NIBAN1: variants seen among roughly 807,000 people sequenced by gnomAD.
NIBAN1 encodes the protein niban apoptosis regulator 1, also known as protein Niban 1.
A neutral mutation model predicts 75.1 loss-of-function variants in NIBAN1; 81 were observed. That is an observed-to-expected ratio of 1.08 (90% CI 0.90 to 1.30). The LOEUF is 1.30. NIBAN1 is among the 50% of genes most tolerant of loss of function. The pLI is 0.00. For synonymous variants in NIBAN1, 436 were observed against 424.8 expected (o/e 1.03, Z -0.32); for missense variants, 1,133 against 1,128.1 (o/e 1.00, Z -0.06).
chr1:184,895,625 C>T (rs1004654963), intron 2 of NIBAN1, among the ~76,000 whole-genome samples: 2 of 151,988 alleles, frequency 1.3e-5, no homozygotes, highest in East Asian at 1.9e-4. Context: ...TTACGTGTAA[C>T]GGTGGGGACT....
chr1:184,899,394 C>CA, intron 1 of NIBAN1, 85 bp from the exon 2 acceptor site: 1 of 1,390,692 alleles, frequency 7.2e-7, no homozygotes, highest in Non-Finnish European at 9.9e-7. Context: ...TCCCTCCAGT[C>CA]TCTCTGTTTC....
At position 184,814,715 on chromosome 1, in the gene NIBAN1, A is replaced by G. The variant is rs990670946; in HGVS notation, c.1173+3923T>C. Among the ~76,000 whole-genome samples the G allele has an allele frequency of 3.3e-5, 5 of 152,254 alleles. No individual in the cohort carries two copies. The East Asian group carries it at 9.6e-4, about 29-fold the overall frequency. The stretch of plus-strand genomic sequence containing the variant: ...CAAACCTTTCAAAACCAAGCTCTAG[A>G]TTATCATGCTAAATCAGCCAATACT... On this transcript the variant is annotated intron_variant, in intron 9 of 13. Transcript: ENST00000367511.
intron 8 of NIBAN1, among the ~76,000 whole-genome samples, chr1:184,819,680 A>G (rs1484854027): frequency 6.6e-6 from 1 of 152,334 alleles, no homozygotes; most frequent in South Asian, 2.1e-4. Flanking sequence ...CTAGAAGGCT[A>G]GCCTTGTGGA....
At chr1:184,904,181 T>C (rs1031973912) in intron 1 of NIBAN1, among the ~76,000 whole-genome samples, 15 of 151,704 alleles carry the variant, frequency 9.9e-5, no homozygotes, top group African/African-American at 2.9e-4. Flanking sequence ...CAGGAGTGGA[T>C]CACTGCACCC....
intron 1 of NIBAN1, among the ~76,000 whole-genome samples, chr1:184,931,602 C>T (rs763194068): frequency 4.6e-5 from 7 of 152,138 alleles, no homozygotes; most frequent in Non-Finnish European, 7.4e-5. Context: ...AGAATGACCA[C>T]AATTCTGTAT....
intron 5 of NIBAN1, among the ~76,000 whole-genome samples, chr1:184,834,680 CT>C (rs1655090964): frequency 6.6e-6 from 1 of 152,252 alleles, no homozygotes; most frequent in East Asian, 1.9e-4. Flanking sequence ...TGTTCATGTC[CT>C]TTGCCCACTT....
chr1:184,941,476 C>G (rs1434728651), intron 1 of NIBAN1, among the ~76,000 whole-genome samples: 2 of 151,886 alleles, frequency 1.3e-5, no homozygotes, highest in Non-Finnish European at 2.9e-5. Flanking sequence ...ATGGAAAAAC[C>G]CTGTCTCTAC....
chr1:184,861,317 T>C (rs1212332873), intron 5 of NIBAN1, among the ~76,000 whole-genome samples: 1 of 152,226 alleles, frequency 6.6e-6, no homozygotes, highest in Non-Finnish European at 1.5e-5. Flanking sequence ...TCTTGGTGCA[T>C]CCTTTACACA....
rs1653684418 is a variant in NIBAN1 at position 184,791,069 on chromosome 1, G to A, written c.*3908C>T. 3 of 470,904 alleles carry A rather than the reference G, an allele frequency of 6.4e-6. No individual in the cohort carries two copies. Among genetic ancestry groups the A allele is most frequent in the Non-Finnish European group, 1.3e-5 (3 of 226,882 alleles). 29.2% of individuals were successfully genotyped at this position (470,904 alleles called of 1,614,324 possible). A position where few individuals can be genotyped will look rare whatever the true frequency, so the allele number is the denominator to read the frequency against. On this transcript the variant is annotated 3_prime_UTR_variant, in exon 14 of 14. Coordinates refer to ENST00000367511, the MANE Select transcript of NIBAN1 (RefSeq NM_052966.4). Reference sequence around the variant, plus strand: ...CATTTTATTGGAATATAGGCACCTGGCAGAGTAAATACATGGTTACAAAGT... The same window carrying A: ...CATTTTATTGGAATATAGGCACCTGACAGAGTAAATACATGGTTACAAAGT...
At chr1:184,843,899 C>T (rs1315605403) in intron 5 of NIBAN1, among the ~76,000 whole-genome samples, 1 of 152,208 alleles carries the variant, frequency 6.6e-6, no homozygotes, top group African/African-American at 2.4e-5. Flanking sequence ...TATCTTTCAG[C>T]TCAGACCACA....
Position 184,931,002 on chromosome 1 carries a change from T to C in NIBAN1, c.56-31693A>G, listed in dbSNP as rs1334411234. The stretch of plus-strand genomic sequence containing the variant: ...TAAGTGCACTTTTTCTTCTTCTTTT[T>C]TTTTTTTTTTTTTTTGAGACTGAGT... On this transcript the variant is annotated intron_variant, in intron 1 of 13. Coordinates refer to ENST00000367511, the MANE Select transcript of NIBAN1 (RefSeq NM_052966.4). Among the ~76,000 whole-genome samples the C allele has an allele frequency of 5.7e-5, 6 of 105,664 alleles. No individual in the cohort carries two copies. In the East Asian group the frequency reaches 8.6e-4, roughly 15 times the overall value. The allele number at this position is 105,664 out of a possible 152,430, so 69.3% of individuals were successfully genotyped here.
At chr1:184,814,757 A>G (rs1654480214) in intron 9 of NIBAN1, among the ~76,000 whole-genome samples, 1 of 152,252 alleles carries the variant, frequency 6.6e-6, no homozygotes, top group Non-Finnish European at 1.5e-5. Context: ...GTTTAAATAT[A>G]CAATTTGAAT....
At chr1:184,815,275 C>T (rs776444918) in intron 9 of NIBAN1, among the ~76,000 whole-genome samples, 27 of 152,172 alleles carry the variant, frequency 1.8e-4, no homozygotes, top group Non-Finnish European at 3.1e-4. Flanking sequence ...TCACTGAGGA[C>T]AATCCCTTCA....
At chr1:184,883,663 G>A (rs1305678942) in intron 5 of NIBAN1, among the ~76,000 whole-genome samples, 2 of 152,186 alleles carry the variant, frequency 1.3e-5, no homozygotes, top group Non-Finnish European at 2.9e-5. Context: ...GGTGGTTCGC[G>A]AACCAGCAGC....
chr1:184,964,943 T>C (rs1412981713), intron 1 of NIBAN1, among the ~76,000 whole-genome samples: 1 of 152,148 alleles, frequency 6.6e-6, no homozygotes, highest in Non-Finnish European at 1.5e-5. Flanking sequence ...CAGCTATAAG[T>C]ATCAATGGAA....
chr1:184,832,106 T>A, intron 5 of NIBAN1, 144 bp from the exon 6 acceptor site: 2 of 640,794 alleles, frequency 3.1e-6, no homozygotes, highest in Non-Finnish European at 5.5e-6. Context: ...GTTAAGCAAG[T>A]ACTGAATTCA....
chr1:184,964,064 T>TA (rs76525602), intron 1 of NIBAN1, among the ~76,000 whole-genome samples: 6,332 of 127,330 alleles, frequency 0.05, 318 homozygotes, highest in African/African-American at 0.13. Flanking sequence ...CTAAATAAGC[T>TA]AAAAAAAAAA....
Position 184,799,767 on chromosome 1 carries a change from A to G in NIBAN1, c.1555-1577T>C, listed in dbSNP as rs1331752023. The stretch of plus-strand genomic sequence containing the variant: ...TTTTTTTTTTTTTTTTTTTTTTGAG[A>G]CGGAGTCTCGCTCTGTCGCCCAGGC... On this transcript the variant is annotated intron_variant, in intron 12 of 13. Transcript: ENST00000367511. Among the ~76,000 whole-genome samples, 125 of 52,978 alleles carry G rather than the reference A, an allele frequency of 2.4e-3. 46 individuals are homozygous for G. Among genetic ancestry groups the G allele is most frequent in the African/African-American group, 0.013 (119 of 8,964 alleles). The allele number at this position is 52,978 out of a possible 152,430, so 34.8% of individuals were successfully genotyped here.
chr1:184,951,816 G>A (rs1658365611), intron 1 of NIBAN1, among the ~76,000 whole-genome samples: 1 of 152,082 alleles, frequency 6.6e-6, no homozygotes, highest in South Asian at 2.1e-4. Flanking sequence ...TCCTTCCAAT[G>A]GCCTATAAGT....
Sources: gnomAD v4.1 joint callset for allele counts (sites outside exome capture counted in the v4.1 genomes callset) on GRCh38, gnomAD v4.1.1 for gene constraint, MANE v1.5 for transcripts, NCBI Gene and HGNC (gene_info 2026-07-23, HGNC 2026-07-21) for gene names.